The following OLR1 variants were observed in gnomAD, a reference collection of about 807,000 sequenced individuals.
OLR1 encodes the protein oxidized low-density lipoprotein receptor 1.
OLR1 carries 23 observed loss-of-function variants against 31.7 expected under a neutral mutation model. The observed-to-expected ratio is 0.72, with a 90% CI of 0.52 to 1.03. OLR1 has a LOEUF of 1.03. OLR1 is among the 50% of genes least tolerant of loss of function. The pLI is 0.00. For synonymous variants in OLR1, 117 were observed against 115.8 expected, an observed-to-expected ratio of 1.01 and a Z score of -0.07; for missense variants, 286 against 315.7, an observed-to-expected ratio of 0.91 and a Z score of 0.71.
intron 1 of OLR1, 27 bp from the exon 2 acceptor site, chr12:10,169,202 A>C (rs372597970): frequency 9.1e-6 from 14 of 1,531,050 alleles, no homozygotes; most frequent in African/African-American, 1.4e-5. Flanking sequence ...TAGAATCAGA[A>C]AGACAAAAAA....
At chr12:10,167,539 GAATA>G (rs1948673288) in intron 2 of OLR1, 1 of 152,114 alleles carries the variant, frequency 6.6e-6, no homozygotes, top group South Asian at 2.1e-4. Flanking sequence ...TACAGCATTA[GAATA>G]AATAAAATAA....
intron 3 of OLR1, among the ~76,000 whole-genome samples, chr12:10,161,793 T>C (rs927338148): frequency 1.3e-5 from 2 of 152,026 alleles, no homozygotes; most frequent in African/African-American, 4.8e-5. Flanking sequence ...TGTAAAATAG[T>C]CCATTAAAAA....
rs753995695 is a variant in OLR1, at chr12:10,169,149, A to G, written c.103T>C (p.Trp35Arg). 1 of 1,613,778 alleles carries G rather than the reference A, an allele frequency of 6.2e-7. No individual in the cohort carries two copies. The highest frequency in any genetic ancestry group is 8.5e-7 in the Non-Finnish European group (1 of 1,179,852). ...KGLQFLYSPW[W>R]CLAAATLGVL... is the part of the protein sequence containing the mutation. The stretch of plus-strand genomic sequence containing the variant: ...CCTAGAGTCGCAGCAGCCAGGCACC[A>G]CCATGGAGAGTAAAGAAACTGAAGA... Residue 35 changes from tryptophan to arginine, a missense_variant, in exon 2 of 6, where the codon TGG becomes CGG. Coordinates refer to ENST00000309539, the MANE Select transcript of OLR1 (RefSeq NM_002543.4).
chr12:10,160,020 A>G lies in OLR1; in HGVS notation c.682T>C (p.Phe228Leu). 6.3e-7 allele frequency: 1 copy of G among 1,594,564 alleles called. No individual in the cohort carries two copies. Among genetic ancestry groups the G allele is most frequent in the Non-Finnish European group, 8.6e-7 (1 of 1,168,878 alleles). ...EDGSPLMPHL[F>L]RVRGAVSQTY... ...TGGGAGACAGCGCCTCGGACTCTAA[A>G]TCTGCAGGTAGGAAAAAACAAAACA... is the stretch of plus-strand genomic sequence containing the variant. The change falls in exon 6 of 6, where the codon TTT (phenylalanine) becomes CTT (leucine). Residue 228 changes from phenylalanine to leucine, a missense_variant and splice_region_variant. Physicochemically the swap from Phe to Leu is conservative, Grantham distance 22. Coordinates refer to ENST00000309539, the MANE Select transcript of OLR1 (RefSeq NM_002543.4).
chr12:10,167,132 T>G, intron 2 of OLR1, 175 bp from the exon 3 acceptor site: 2 of 605,414 alleles, frequency 3.3e-6, no homozygotes, highest in Non-Finnish European at 5.7e-6. Context: ...ATTCCTGCAG[T>G]ATTTTGTTTA....
rs990155780 is a variant in OLR1 at position 10,158,440 on chromosome 12, A to T, written c.*1440T>A. On this transcript the variant is annotated 3_prime_UTR_variant, in exon 6 of 6. Coordinates refer to ENST00000309539, the MANE Select transcript of OLR1 (RefSeq NM_002543.4). ...ATTCAACATTTAAAAGAATGAATTC[A>T]TACGAGCATCAAGATGGAGACATAT... 6.6e-6 allele frequency: 1 copy of T among 152,238 alleles called. No individual in the cohort carries two copies. The highest frequency in any genetic ancestry group is 1.5e-5 in the Non-Finnish European group (1 of 68,032). The allele number at this position is 152,238 out of a possible 1,614,324, so 9.4% of individuals were successfully genotyped here.
intron 1 of OLR1, 52 bp from the exon 2 acceptor site, chr12:10,169,227 G>A: frequency 7.6e-7 from 1 of 1,309,362 alleles, no homozygotes; most frequent in Non-Finnish European, 1.1e-6. Context: ...GAACAAGTAA[G>A]CAAACCATTC....
At chr12:10,163,464 G>A (rs35664172) in intron 3 of OLR1, among the ~76,000 whole-genome samples, 1 of 151,944 alleles carries the variant, frequency 6.6e-6, no homozygotes, top group Non-Finnish European at 1.5e-5. Flanking sequence ...TCACTAGCTC[G>A]TTGGCCTAAA....
rs201528781 is a variant in OLR1, at chr12:10,169,104, C to T, written c.148G>A (p.Val50Ile). 206 of 1,613,754 alleles carry T rather than the reference C, an allele frequency of 1.3e-4. 1 individual carries two copies. Among genetic ancestry groups the T allele is most frequent in the Middle Eastern group, 1.6e-4 (1 of 6,084 alleles). The stretch of plus-strand genomic sequence containing the variant: ...ATGCCCAGCACCATAATGGTCACTA[C>T]TAATCCCAGGCAAAGGACCCCTAGA... ...ATLGVLCLGL[V>I]VTIMVLGMQL... The change falls in exon 2 of 6, where the codon GTA (valine) becomes ATA (isoleucine). Residue 50 changes from valine (V) to isoleucine (I), a missense_variant. Coordinates refer to ENST00000309539, the MANE Select transcript of OLR1 (RefSeq NM_002543.4).
intron 1 of OLR1, among the ~76,000 whole-genome samples, chr12:10,169,385 A>G (rs1948690687): frequency 6.6e-6 from 1 of 152,224 alleles, no homozygotes; most frequent in African/African-American, 2.4e-5. Flanking sequence ...GGGAGAGTTA[A>G]GGAATTTAAG....
At chr12:10,167,044 A>T in intron 2 of OLR1, 87 bp from the exon 3 acceptor site, 1 of 1,319,170 alleles carries the variant, frequency 7.6e-7, no homozygotes, top group Non-Finnish European at 1.0e-6. Context: ...ACAGAATTAA[A>T]TCTATTTTGA....
chr12:10,176,153 C>T (rs1261332129), upstream of OLR1, among the ~76,000 whole-genome samples: 1 of 152,178 alleles, frequency 6.6e-6, no homozygotes, highest in South Asian at 2.1e-4. Context: ...AAGTGTACTT[C>T]GTTCAGTCTT....
At chr12:10,161,073 G>C in intron 3 of OLR1, 148 bp from the exon 4 acceptor site, 1 of 829,234 alleles carries the variant, frequency 1.2e-6, no homozygotes, top group Non-Finnish European at 1.8e-6. Context: ...GTAGAGATGG[G>C]GTTTCACCAT....
chr12:10,172,157 G>GTATTTAGATAACAGTAGC, upstream of OLR1: 2 of 911,312 alleles, frequency 2.2e-6, no homozygotes, highest in Non-Finnish European at 3.6e-6. Context: ...TTCTGCAGAA[G>GTATTTAGATAACAGTAGC]TATTTAAATA....
At chr12:10,176,247 A>C (rs112645548), upstream of OLR1, among the ~76,000 whole-genome samples, 2,105 of 152,292 alleles carry the variant, frequency 0.014, 56 homozygotes, top group African/African-American at 0.047. Context: ...AGCTGCCCCA[A>C]GGCATAATCT....
intron 3 of OLR1, among the ~76,000 whole-genome samples, chr12:10,164,746 A>G (rs1948646946): frequency 6.6e-6 from 1 of 152,238 alleles, no homozygotes; most frequent in Non-Finnish European, 1.5e-5. Context: ...TACTGCAGAA[A>G]GACCAAATAA....
chr12:10,162,611 T>G (rs1337613206), intron 3 of OLR1, among the ~76,000 whole-genome samples: 6 of 152,166 alleles, frequency 3.9e-5, no homozygotes, highest in Non-Finnish European at 8.8e-5. Context: ...GTGGATCGCT[T>G]GAGGCCAGGA....
At chr12:10,170,167 G>A (rs1297320734) in intron 1 of OLR1, among the ~76,000 whole-genome samples, 2 of 152,206 alleles carry the variant, frequency 1.3e-5, no homozygotes, top group African/African-American at 2.4e-5. Context: ...ACAATTTCCA[G>A]TGTGAATGTA....
chr12:10,166,882 A>T lies in OLR1; in HGVS notation c.254T>A (p.Ile85Asn). Residue 85 changes from isoleucine (I) to asparagine (N), a missense_variant, in exon 3 of 6, where the codon ATC (isoleucine) becomes AAC (asparagine). Ile to Asn is a moderately radical substitution (Grantham distance 149, BLOSUM62 -3). Transcript: ENST00000309539. Reference protein sequence around the residue: ...THQKKKLEGQISARQQAEEAS... With the variant: ...THQKKKLEGQNSARQQAEEAS... ...TTCTTCTGCTTGTTGCCGGGCTGAG[A>T]TCTGTCCCTCCAGTTTCTTTTTCTG... The T allele has an allele frequency of 6.2e-7, 1 of 1,613,318 alleles. No homozygotes were observed. The highest frequency in any genetic ancestry group is 8.5e-7 in the Non-Finnish European group (1 of 1,179,926).
Sources: gnomAD v4.1 joint callset for allele counts (sites outside exome capture counted in the v4.1 genomes callset) on GRCh38, gnomAD v4.1.1 for gene constraint, MANE v1.5 for transcripts, NCBI Gene and HGNC (gene_info 2026-07-23, HGNC 2026-07-21) for gene names.